The following LCN9 variants were observed in gnomAD, a reference collection of about 807,000 sequenced individuals.
LCN9 encodes epididymal-specific lipocalin-9.
A neutral mutation model predicts 18.5 loss-of-function variants in LCN9; 22 were observed. That is an observed-to-expected ratio of 1.19 (90% confidence interval 0.85 to 1.70). The LOEUF is 1.70. LCN9 is among the 40% of genes most tolerant of loss of function. LCN9 has a pLI of 0.00. For missense variants in LCN9, 202 were observed against 201.3 expected, an observed-to-expected ratio of 1.00 and a Z score of -0.02; for synonymous variants, 89 against 83.0, an observed-to-expected ratio of 1.07 and a Z score of -0.39.
At chr9:135,663,888 T>TG (rs1398805030) in intron 1 of LCN9, among the ~76,000 whole-genome samples, 10 of 34,434 alleles carry the variant, frequency 2.9e-4, no homozygotes, top group Non-Finnish European at 4.6e-4. Flanking sequence ...GGGGGGACCT[T>TG]GGGATCAAAG....
rs376998560 is a variant in LCN9, at chr9:135,665,832, T to C, written c.*10-29T>C. ...GGTGTGCCTGCGGGGTCCCTGTCCC[T>C]GCGCTGAGAGCCCCCTCTGTCCTTC... is the stretch of plus-strand genomic sequence containing the variant. On this transcript the variant is annotated intron_variant, in intron 5 of 5. Transcript: ENST00000619315. This position sits in a 1 kb window ranked among gnomAD's most constrained non-coding sequence, Gnocchi z 5.9. The C allele has an allele frequency of 2.5e-6, 4 of 1,612,112 alleles. No individual in the cohort carries two copies. The South Asian group carries it at 4.4e-5, about 18-fold the overall frequency.
chr9:135,664,056 G>A lies in LCN9; in HGVS notation c.97-106G>A. ...TGGAAGGGCGGAGGGGTTCTGGTTG[G>A]GAGCCAGATGCTAAGGGGCCGGGCC... On this transcript the variant is annotated intron_variant, in intron 1 of 5. Coordinates refer to ENST00000619315, the Ensembl canonical transcript of LCN9. The surrounding 1 kb of genome is among the most constrained non-coding windows in gnomAD (Gnocchi z 4.5). 1 of 1,251,134 alleles carries A rather than the reference G, an allele frequency of 8.0e-7. No homozygotes were observed. Among genetic ancestry groups the A allele is most frequent in the South Asian group, 1.4e-5 (1 of 69,578 alleles). 77.5% of individuals were successfully genotyped at this position (1,251,134 alleles called of 1,614,324 possible).
Position 135,665,418 on chromosome 9 carries a change from C to T in LCN9, c.418+63C>T. 7.5e-7 allele frequency: 1 copy of T among 1,326,302 alleles called. No homozygotes were observed. Among genetic ancestry groups the T allele is most frequent in the South Asian group, 1.3e-5 (1 of 79,722 alleles). The allele number at this position is 1,326,302 out of a possible 1,614,324, so 82.2% of individuals were successfully genotyped here. On this transcript the variant is annotated intron_variant, in intron 4 of 5. Transcript: ENST00000619315. This position sits in a 1 kb window ranked among gnomAD's most constrained non-coding sequence, Gnocchi z 5.9. Reference sequence around the variant, plus strand: ...CCACCTCCTCTGAAGTCCGGCCCAACCCTGGGCGGAGGAGGGTCTCGCAGT... The same window carrying T: ...CCACCTCCTCTGAAGTCCGGCCCAATCCTGGGCGGAGGAGGGTCTCGCAGT...
Position 135,664,692 on chromosome 9 carries a change from A to C in LCN9, c.234-30A>C. 6.4e-7 allele frequency: 1 copy of C among 1,550,628 alleles called. No homozygotes were observed. Among genetic ancestry groups the C allele is most frequent in the Admixed American group, 2.1e-5 (1 of 47,816 alleles). On this transcript the variant is annotated intron_variant, in intron 2 of 5. Coordinates refer to ENST00000619315, the Ensembl canonical transcript of LCN9. The surrounding 1 kb of genome is among the most constrained non-coding windows in gnomAD (Gnocchi z 4.5). Reference sequence around the variant, plus strand: ...CGCACGTCCAGGGGGCTGGAGCTCCACTCCCGGCATCTTCCTGGCTGGCTT... The same window carrying C: ...CGCACGTCCAGGGGGCTGGAGCTCCCCTCCCGGCATCTTCCTGGCTGGCTT...
Position 135,665,346 on chromosome 9 carries a change from G to T in LCN9, c.409G>T (p.Ala137Ser), listed in dbSNP as rs1191156784. 2 of 1,596,984 alleles carry T rather than the reference G, an allele frequency of 1.3e-6. No homozygotes were observed. The highest frequency in any genetic ancestry group is 3.5e-5 in the Admixed American group (2 of 57,856). ...GAACGGGACCGAGACCCACACGCTG[G>T]CGCTCTATGGTACCTCCGCTGTCCC... The change falls in exon 4 of 6, where the codon GCG becomes TCG. Residue 137 changes from alanine to serine, a missense_variant. By Grantham distance (99) the Ala-to-Ser change is moderately conservative (BLOSUM62 1). Transcript: ENST00000619315. This position sits in a 1 kb window ranked among gnomAD's most constrained non-coding sequence, Gnocchi z 5.9.
In LCN9 at chr9:135,665,648, C is replaced by A. The variant is rs755152140; in HGVS notation, c.419-40C>A. ...CTTCACACAGAACCAACTCTGTTCC[C>A]AGCACGGGTCCCATAGCTGGAACCC... On this transcript the variant is annotated intron_variant, in intron 4 of 5. Coordinates refer to ENST00000619315, the Ensembl canonical transcript of LCN9. This position sits in a 1 kb window ranked among gnomAD's most constrained non-coding sequence, Gnocchi z 5.9. 4 of 1,587,504 alleles carry A rather than the reference C, an allele frequency of 2.5e-6. No homozygotes were observed. Among genetic ancestry groups the A allele is most frequent in the East Asian group, 2.3e-5 (1 of 44,060 alleles).
In LCN9 at chr9:135,664,246, C is replaced by T. The variant is rs779511345; in HGVS notation, c.181C>T (p.Arg61Trp). Residue 61 changes from arginine to tryptophan, a missense_variant, in exon 2 of 6, where the codon CGG becomes TGG. Coordinates refer to ENST00000619315, the Ensembl canonical transcript of LCN9. This position sits in a 1 kb window ranked among gnomAD's most constrained non-coding sequence, Gnocchi z 4.5. ...AAATGGAGACCTGAGGGTCTTCGTC[C>T]GGAATATTGAACACTTGAAGAACGG... is the stretch of plus-strand genomic sequence containing the variant. The T allele has an allele frequency of 1.4e-5, 23 of 1,613,572 alleles. No individual in the cohort carries two copies. The highest frequency in any genetic ancestry group is 1.0e-4 in the Admixed American group (6 of 59,984).
chr9:135,666,070 G>A (rs1362738756), exon 6 of LCN9: 1 of 1,599,576 alleles, frequency 6.3e-7, no homozygotes, highest in Admixed American at 1.7e-5. Context: ...GCATCCTGGA[G>A]TCGGGGCAGT....
In LCN9 at chr9:135,665,840, G is replaced by C. The variant is rs753816764; in HGVS notation, c.*10-21G>C. 8.1e-6 allele frequency: 13 copies of C among 1,612,258 alleles called. No homozygotes were observed. In the East Asian group the frequency reaches 2.7e-4, roughly 33 times the overall value. On this transcript the variant is annotated intron_variant, in intron 5 of 5. Coordinates refer to ENST00000619315, the Ensembl canonical transcript of LCN9. This position sits in a 1 kb window ranked among gnomAD's most constrained non-coding sequence, Gnocchi z 5.9. The stretch of plus-strand genomic sequence containing the variant: ...TGCGGGGTCCCTGTCCCTGCGCTGA[G>C]AGCCCCCTCTGTCCTTCCAGATCCC...
At chr9:135,663,473 C>A in intron 1 of LCN9, 56 bp downstream of exon 1, 1 of 1,515,624 alleles carries the variant, frequency 6.6e-7, no homozygotes, top group Non-Finnish European at 9.2e-7. Context: ...CACCTGTCTT[C>A]CCCCAGCCTG....
rs1165008 is a variant in LCN9, at chr9:135,663,954, G to A, written c.97-208G>A. Among the ~76,000 whole-genome samples the A allele has an allele frequency of 6.1e-3, 528 of 86,726 alleles. 4 individuals are homozygous for A. The highest frequency in any genetic ancestry group is 0.022 in the African/African-American group (441 of 19,786). 56.9% of individuals were successfully genotyped at this position (86,726 alleles called of 152,430 possible). On this transcript the variant is annotated intron_variant, in intron 1 of 5. Coordinates refer to ENST00000619315, the Ensembl canonical transcript of LCN9. The stretch of plus-strand genomic sequence containing the variant: ...GGGGCAGCGGGGGCCCTGGAAGGGC[G>A]GAGGGCATTCTGTGAGCAGAGGGGC...
chr9:135,664,080 C>T lies in LCN9; in HGVS notation c.97-82C>T. Reference sequence around the variant, plus strand: ...GGGAGCCAGATGCTAAGGGGCCGGGCCCTGGGAGGGAAGACTGTGGGCGCT... The same window carrying T: ...GGGAGCCAGATGCTAAGGGGCCGGGTCCTGGGAGGGAAGACTGTGGGCGCT... On this transcript the variant is annotated intron_variant, in intron 1 of 5. Transcript: ENST00000619315. The surrounding 1 kb of genome is among the most constrained non-coding windows in gnomAD (Gnocchi z 4.5). 6.7e-7 allele frequency: 1 copy of T among 1,498,062 alleles called. No individual in the cohort carries two copies. Among genetic ancestry groups the T allele is most frequent in the Non-Finnish European group, 9.1e-7 (1 of 1,099,316 alleles). 92.8% of individuals were successfully genotyped at this position (1,498,062 alleles called of 1,614,324 possible). A position where few individuals can be genotyped will look rare whatever the true frequency, so the allele number is the denominator to read the frequency against.
At position 135,665,860 on chromosome 9, in the gene LCN9, G is replaced by C; in HGVS notation, c.*10-1G>C. 1 of 1,613,040 alleles carries C rather than the reference G, an allele frequency of 6.2e-7. No individual in the cohort carries two copies. The highest frequency in any genetic ancestry group is 8.5e-7 in the Non-Finnish European group (1 of 1,179,532). On this transcript the variant is annotated splice_acceptor_variant, in intron 5 of 5. Coordinates refer to ENST00000619315, the Ensembl canonical transcript of LCN9. LOFTEE classifies it low-confidence loss of function (3UTR_SPLICE). The surrounding 1 kb of genome is among the most constrained non-coding windows in gnomAD (Gnocchi z 5.9). ...GCTGAGAGCCCCCTCTGTCCTTCCA[G>C]ATCCCTGCTACTCCAAGCATTACAG...
In LCN9 at chr9:135,665,143, A is replaced by G; in HGVS notation, c.308-102A>G. The G allele has an allele frequency of 1.2e-6, 1 of 836,516 alleles. No individual in the cohort carries two copies. The highest frequency in any genetic ancestry group is 2.0e-5 in the Admixed American group (1 of 49,480). The allele number at this position is 836,516 out of a possible 1,614,324, so 51.8% of individuals were successfully genotyped here. A position where few individuals can be genotyped will look rare whatever the true frequency, so the allele number is the denominator to read the frequency against. ...GTGGGCTCCTCCCCTCCCGCCTCAAAAGGCCACTTGACCCCCCATCCTCAC... is the reference window on the plus strand; with the variant it reads ...GTGGGCTCCTCCCCTCCCGCCTCAAGAGGCCACTTGACCCCCCATCCTCAC... On this transcript the variant is annotated intron_variant, in intron 3 of 5. Coordinates refer to ENST00000619315, the Ensembl canonical transcript of LCN9. The surrounding 1 kb of genome is among the most constrained non-coding windows in gnomAD (Gnocchi z 5.9).
chr9:135,664,956 G>T lies in LCN9; in HGVS notation c.307+161G>T, dbSNP rs1013100445. ...CCCATCCTGGCACCTACCCAGGGGGGCTCCTGGCCCAGGGGAAGCAGGGAG... is the reference window on the plus strand; with the variant it reads ...CCCATCCTGGCACCTACCCAGGGGGTCTCCTGGCCCAGGGGAAGCAGGGAG... On this transcript the variant is annotated intron_variant, in intron 3 of 5. Coordinates refer to ENST00000619315, the Ensembl canonical transcript of LCN9. This position sits in a 1 kb window ranked among gnomAD's most constrained non-coding sequence, Gnocchi z 4.5. Among the ~76,000 whole-genome samples, 1 of 152,148 alleles carries T rather than the reference G, an allele frequency of 6.6e-6. No homozygotes were observed.
rs188934797 is a variant in LCN9 at position 135,665,891 on chromosome 9, C to T, written c.*40C>T. ...TGCTACTCCAAGCATTACAGGAGCC[C>T]GCCCAGGCCTCCCATGCGTGAGCTG... On this transcript the variant is annotated 3_prime_UTR_variant, in exon 6 of 6. Coordinates refer to ENST00000619315, the Ensembl canonical transcript of LCN9. This position sits in a 1 kb window ranked among gnomAD's most constrained non-coding sequence, Gnocchi z 5.9. The T allele has an allele frequency of 5.6e-6, 9 of 1,612,370 alleles. No homozygotes were observed. The East Asian group carries it at 1.1e-4, about 20-fold the overall frequency.
chr9:135,665,683 A>G lies in LCN9; in HGVS notation c.419-5A>G. On this transcript the variant is annotated splice_region_variant and splice_polypyrimidine_tract_variant and intron_variant, in intron 4 of 5. Transcript: ENST00000619315. The surrounding 1 kb of genome is among the most constrained non-coding windows in gnomAD (Gnocchi z 5.9). ...CCCATAGCTGGAACCCTCCTTCCTG[A>G]GCAGATTTGAAGAAACCTGCGAAAA... is the stretch of plus-strand genomic sequence containing the variant. 6.2e-7 allele frequency: 1 copy of G among 1,612,032 alleles called. No individual in the cohort carries two copies. Among genetic ancestry groups the G allele is most frequent in the South Asian group, 1.1e-5 (1 of 90,592 alleles).
chr9:135,663,504 G>T (rs1041155410), intron 1 of LCN9, 87 bp downstream of exon 1: 1 of 1,242,038 alleles, frequency 8.1e-7, no homozygotes, highest in Non-Finnish European at 1.2e-6. Context: ...CCTGTGACCA[G>T]GGCAACTGGT....
In LCN9 at chr9:135,666,263, G is replaced by T. The variant is rs540406762; in HGVS notation, c.*412G>T. ...GGCTGTGCTCCCTCCACCAGCTCCC[G>T]GGAAGGGTCCTTCCTGCCTCTTCCG... On this transcript the variant is annotated 3_prime_UTR_variant, in exon 6 of 6. Transcript: ENST00000619315. 4 of 980,804 alleles carry T rather than the reference G, an allele frequency of 4.1e-6. No homozygotes were observed. In the Middle Eastern group the frequency reaches 1.1e-3, roughly 262 times the overall value. The allele number at this position is 980,804 out of a possible 1,614,324, so 60.8% of individuals were successfully genotyped here. A position where few individuals can be genotyped will look rare whatever the true frequency, so the allele number is the denominator to read the frequency against.
Sources: allele counts gnomAD v4.1 joint callset (sites outside exome capture counted in the v4.1 genomes callset), GRCh38; gene constraint gnomAD v4.1.1; non-coding constraint Gnocchi (gnomAD v3.1); transcripts MANE v1.5; gene names NCBI Gene and HGNC (gene_info 2026-07-23, HGNC 2026-07-21).